C8orf34: variants seen among roughly 807,000 people sequenced by gnomAD.
C8orf34 encodes the protein chromosome 8 open reading frame 34, also known as uncharacterized protein C8orf34.
C8orf34 carries 65 observed loss-of-function variants against 68.3 expected under a neutral mutation model. The observed-to-expected ratio is 0.95, with a 90% CI of 0.78 to 1.17. The LOEUF is 1.17. Ranked by LOEUF, C8orf34 falls within the 50% of genes most tolerant of loss-of-function variation. The pLI is 0.00. For synonymous variants in C8orf34, 244 were observed against 241.2 expected, an observed-to-expected ratio of 1.01 and a Z score of -0.11; for missense variants, 664 against 655.4, an observed-to-expected ratio of 1.01 and a Z score of -0.14.
chr8:68,423,394 C>A (rs933129771), intron 1 of C8orf34, among the ~76,000 whole-genome samples: 1 of 152,144 alleles, frequency 6.6e-6, no homozygotes, highest in Non-Finnish European at 1.5e-5. Context: ...AACTTTACTC[C>A]AGTTTCCAAC....
intron 8 of C8orf34, among the ~76,000 whole-genome samples, chr8:68,666,403 G>A (rs913314568): frequency 1.3e-5 from 2 of 152,144 alleles, no homozygotes; most frequent in African/African-American, 4.8e-5. Context: ...CTTTTGGAGT[G>A]GACAACCTAA....
chr8:68,593,925 T>C (rs1235876372), intron 7 of C8orf34, among the ~76,000 whole-genome samples: 1 of 152,146 alleles, frequency 6.6e-6, no homozygotes, highest in African/African-American at 2.4e-5. Context: ...AATTTTGATA[T>C]ATGTTTTTCA....
chr8:68,637,570 C>T (rs1818883037), intron 7 of C8orf34, among the ~76,000 whole-genome samples: 1 of 152,004 alleles, frequency 6.6e-6, no homozygotes, highest in Admixed American at 6.6e-5. Context: ...TTGTTCATGA[C>T]CTGAGGTTGG....
intron 7 of C8orf34, among the ~76,000 whole-genome samples, chr8:68,557,444 AATT>A: frequency 6.6e-6 from 1 of 152,216 alleles, no homozygotes; most frequent in Non-Finnish European, 1.5e-5. Context: ...ACCAGATTCA[AATT>A]ACTGTTTATT....
chr8:68,773,204 G>A (rs73277930), intron 10 of C8orf34, among the ~76,000 whole-genome samples: 2,951 of 152,116 alleles, frequency 0.019, 82 homozygotes, highest in African/African-American at 0.059. Context: ...CACTGGTCTG[G>A]TGTTGGAAAT....
chr8:68,517,481 C>G (rs1015903905), intron 5 of C8orf34, among the ~76,000 whole-genome samples: 1 of 152,156 alleles, frequency 6.6e-6, no homozygotes, highest in Non-Finnish European at 1.5e-5. Flanking sequence ...TTCCTAACTC[C>G]TCTGACTCTG....
chr8:68,492,231 T>G lies in C8orf34; in HGVS notation c.765+4180T>G, dbSNP rs913783070. Among the ~76,000 whole-genome samples, 2 of 152,106 alleles carry G rather than the reference T, an allele frequency of 1.3e-5. 1 individual carries two copies. Among genetic ancestry groups the G allele is most frequent in the South Asian group, 4.1e-4 (2 of 4,830 alleles). On this transcript the variant is annotated intron_variant, in intron 5 of 13. Transcript: ENST00000518698. The stretch of plus-strand genomic sequence containing the variant: ...TCTTTTTTAGCCATTTTTCTTTTAT[T>G]TATTTTATTTTTAATGGAGATGGGG...
chr8:68,462,566 A>C (rs1002199392), intron 3 of C8orf34, among the ~76,000 whole-genome samples: 7 of 151,938 alleles, frequency 4.6e-5, no homozygotes, highest in African/African-American at 1.7e-4. Flanking sequence ...GCAAATGTAA[A>C]AGAACAGAAA....
chr8:68,534,015 T>C lies in C8orf34; in HGVS notation c.1105+866T>C, dbSNP rs146525135. 504 of 962,056 alleles carry C rather than the reference T, an allele frequency of 5.2e-4. 3 individuals are homozygous for C. In the African/African-American group the frequency reaches 8.5e-3, roughly 16 times the overall value. The allele number at this position is 962,056 out of a possible 1,614,324, so 59.6% of individuals were successfully genotyped here. ...CCTTAAACACGTTTTACATATAGAA[T>C]ATGGAATCTCAGAAAAATATAGGCC... On this transcript the variant is annotated intron_variant, in intron 7 of 13. Transcript: ENST00000518698.
At chr8:68,332,735 G>A (rs940262262) in intron 1 of C8orf34, among the ~76,000 whole-genome samples, 1 of 152,118 alleles carries the variant, frequency 6.6e-6, no homozygotes, top group Non-Finnish European at 1.5e-5. Flanking sequence ...TGTCTTAGAC[G>A]ATAAGACCAT....
chr8:68,809,664 A>G (rs1358537048), intron 12 of C8orf34, among the ~76,000 whole-genome samples: 3 of 152,166 alleles, frequency 2.0e-5, no homozygotes, highest in Non-Finnish European at 4.4e-5. Context: ...TAAATGGGGG[A>G]CCCAGTGTTA....
At chr8:68,391,125 A>G (rs1808462796) in intron 1 of C8orf34, among the ~76,000 whole-genome samples, 1 of 152,178 alleles carries the variant, frequency 6.6e-6, no homozygotes, top group African/African-American at 2.4e-5. Context: ...TAACCATCAG[A>G]TAGTCATCAT....
At chr8:68,637,707 T>C (rs571405880) in intron 7 of C8orf34, among the ~76,000 whole-genome samples, 1 of 152,148 alleles carries the variant, frequency 6.6e-6, no homozygotes, top group East Asian at 1.9e-4. Flanking sequence ...AGATTCTAAT[T>C]AGTAGATTAT....
chr8:68,696,021 G>A (rs1820821508), intron 8 of C8orf34, among the ~76,000 whole-genome samples: 1 of 151,652 alleles, frequency 6.6e-6, no homozygotes, highest in African/African-American at 2.4e-5. Context: ...ACTATTATAG[G>A]CTGGGCCTGG....
At chr8:68,641,730 A>G (rs1585659686) in intron 8 of C8orf34, among the ~76,000 whole-genome samples, 1 of 152,212 alleles carries the variant, frequency 6.6e-6, no homozygotes, top group Non-Finnish European at 1.5e-5. Flanking sequence ...CAAAACAGAA[A>G]GTTTATAAAA....
At chr8:68,618,583 AAGTGAAACTCCTG>A (rs1818298292) in intron 7 of C8orf34, among the ~76,000 whole-genome samples, 1 of 79,568 alleles carries the variant, frequency 1.3e-5, no homozygotes, top group African/African-American at 1.2e-4. Flanking sequence ...TCCTGGGCTC[AAGTGAAACTCCTG>A]GGCTCAAGTA....
chr8:68,420,968 A>C (rs963632496), intron 1 of C8orf34, among the ~76,000 whole-genome samples: 18 of 152,140 alleles, frequency 1.2e-4, no homozygotes, highest in African/African-American at 4.3e-4. Context: ...AGAAGTAGAA[A>C]GCAAAGAGAA....
At chr8:68,338,970 C>A (rs1323207266) in intron 1 of C8orf34, among the ~76,000 whole-genome samples, 1 of 152,002 alleles carries the variant, frequency 6.6e-6, no homozygotes, top group African/African-American at 2.4e-5. Flanking sequence ...ATCTCTAATG[C>A]AATGAATTTT....
intron 5 of C8orf34, among the ~76,000 whole-genome samples, chr8:68,515,050 T>A (rs1814446750): frequency 6.6e-6 from 1 of 152,186 alleles, no homozygotes; most frequent in South Asian, 2.1e-4. Flanking sequence ...ATATACTAAG[T>A]GCACATGATA....
Sources: gnomAD v4.1 joint callset for allele counts (sites outside exome capture counted in the v4.1 genomes callset) on GRCh38, gnomAD v4.1.1 for gene constraint, MANE v1.5 for transcripts, NCBI Gene and HGNC (gene_info 2026-07-23, HGNC 2026-07-21) for gene names.